EYA1: variants seen among roughly 807,000 people sequenced by gnomAD.
The protein encoded by EYA1 is protein phosphatase EYA1.
Under a neutral mutation model 82.0 loss-of-function variants are expected in EYA1, and 16 were observed. The observed-to-expected ratio is 0.20, with a 90% CI of 0.13 to 0.30. The LOEUF (loss-of-function observed/expected upper bound fraction) is 0.30, where lower values mean the gene tolerates loss of function less well. EYA1 is among the 10% of genes least tolerant of loss of function. EYA1 has a pLI of 1.00. For missense variants in EYA1, 633 were observed against 730.7 expected, an observed-to-expected ratio of 0.87 and a Z score of 1.54; for synonymous variants, 261 against 264.4, an observed-to-expected ratio of 0.99 and a Z score of 0.12.
Position 71,361,855 on chromosome 8 carries a change from GGCT to G in EYA1, c.-266_-264del. ...GGGCAGGCGCCTGGCCGCTGCCGCAGGCTCGGGCTGCCGAGCGACTGAGCGAAA... is the reference window on the plus strand; with the variant it reads ...GGGCAGGCGCCTGGCCGCTGCCGCAGCGGGCTGCCGAGCGACTGAGCGAAA... On this transcript the variant is annotated 5_prime_UTR_variant, in exon 1 of 18. Coordinates refer to ENST00000340726, the MANE Select transcript of EYA1 (RefSeq NM_000503.6). 5 of 985,454 alleles carry G rather than the reference GGCT, an allele frequency of 5.1e-6. No homozygotes were observed. Among genetic ancestry groups the G allele is most frequent in the Non-Finnish European group, 6.0e-6 (5 of 829,932 alleles). The allele number at this position is 985,454 out of a possible 1,614,324, so 61.0% of individuals were successfully genotyped here. A position where few individuals can be genotyped will look rare whatever the true frequency, so the allele number is the denominator to read the frequency against.
In EYA1 at chr8:71,439,292, T is replaced by G. The variant is rs79959321; in HGVS notation, c.34-82781A>C. Among the ~76,000 whole-genome samples the G allele has an allele frequency of 8.6e-3, 1,315 of 152,316 alleles. 18 individuals carry two copies. Among genetic ancestry groups the G allele is most frequent in the African/African-American group, 0.029 (1,224 of 41,576 alleles). ...CCCTGATCCATTGTAATTTGCTGCT[T>G]GACTCATTGAGTTTGTTTGGTTTCC... On this transcript the variant is annotated intron_variant, in intron 2 of 18. Coordinates refer to the EYA1 transcript ENST00000643681.
At chr8:71,383,639 G>T (rs1357922408) in intron 2 of EYA1, among the ~76,000 whole-genome samples, 1 of 152,054 alleles carries the variant, frequency 6.6e-6, no homozygotes, top group East Asian at 1.9e-4. Context: ...AAGTTTTAAA[G>T]CATGCAATAA....
rs1267951986 is a variant in EYA1, at chr8:71,347,898, A to AC, written c.124+6883_124+6884insG. On this transcript the variant is annotated intron_variant, in intron 3 of 17. Transcript: ENST00000340726. ...ACTGGAGGCATGCAAAAAAAAAAAA[A>AC]AAAAAAAAACCCCAAATCTGTAAAA... Among the ~76,000 whole-genome samples, 63 of 151,262 alleles carry AC rather than the reference A, an allele frequency of 4.2e-4. 1 individual carries two copies. The highest frequency in any genetic ancestry group is 6.5e-4 in the Non-Finnish European group (44 of 67,888).
chr8:71,434,671 C>T (rs1338668097), intron 2 of EYA1, among the ~76,000 whole-genome samples: 1 of 152,106 alleles, frequency 6.6e-6, no homozygotes, highest in Non-Finnish European at 1.5e-5. Context: ...CCTAACCACA[C>T]AGGCAAATGT....
intron 2 of EYA1, among the ~76,000 whole-genome samples, chr8:71,453,734 A>G (rs138796192): frequency 0.078 from 11,808 of 152,274 alleles, 584 homozygotes; most frequent in East Asian, 0.21. Flanking sequence ...AGACTTTGTC[A>G]CCACCAGACC....
intron 9 of EYA1, among the ~76,000 whole-genome samples, chr8:71,296,289 A>G (rs942445318): frequency 6.6e-6 from 1 of 152,154 alleles, no homozygotes; most frequent in African/African-American, 2.4e-5. Context: ...ATTCATAAGG[A>G]ATTACGTTTA....
chr8:71,272,580 A>T (rs1009529202), intron 9 of EYA1, among the ~76,000 whole-genome samples: 9 of 152,180 alleles, frequency 5.9e-5, no homozygotes, highest in Non-Finnish European at 2.9e-5. Flanking sequence ...CAGAGAAGCC[A>T]CTAAAATAAT....
chr8:71,244,578 A>C, intron 12 of EYA1, 25 bp downstream of exon 12: 1 of 1,212,718 alleles, frequency 8.2e-7, no homozygotes, highest in East Asian at 2.5e-5. Context: ...ACATGCAAAA[A>C]TATGTATTAA....
intron 11 of EYA1, among the ~76,000 whole-genome samples, chr8:71,266,587 G>T (rs140127947): frequency 6.6e-6 from 1 of 152,164 alleles, no homozygotes; most frequent in Non-Finnish European, 1.5e-5. Context: ...CAGGCTGACC[G>T]CAAGTGTTCA....
At chr8:71,510,341 A>C (rs1812503132) in intron 2 of EYA1, among the ~76,000 whole-genome samples, 1 of 152,112 alleles carries the variant, frequency 6.6e-6, no homozygotes, top group Admixed American at 6.6e-5. Context: ...CTTGAGCATG[A>C]GATGTTGCAG....
chr8:71,266,667 C>G (rs1463798664), intron 11 of EYA1, among the ~76,000 whole-genome samples: 2 of 151,992 alleles, frequency 1.3e-5, no homozygotes, highest in Admixed American at 1.3e-4. Context: ...GCCTCTAACC[C>G]TAATCTGTGC....
intron 2 of EYA1, among the ~76,000 whole-genome samples, chr8:71,374,229 C>T (rs2129092640): frequency 6.6e-6 from 1 of 152,078 alleles, no homozygotes; most frequent in African/African-American, 2.4e-5. Context: ...ATTTACAAAC[C>T]ATATATCTGA....
intron 2 of EYA1, among the ~76,000 whole-genome samples, chr8:71,406,750 G>C (rs1830261468): frequency 6.6e-6 from 1 of 150,892 alleles, no homozygotes; most frequent in Admixed American, 6.6e-5. Flanking sequence ...CTGATTGCTA[G>C]CACAGCAGTC....
chr8:71,262,209 G>C (rs1169902565), intron 11 of EYA1, among the ~76,000 whole-genome samples: 3 of 152,212 alleles, frequency 2.0e-5, no homozygotes, highest in Non-Finnish European at 4.4e-5. Flanking sequence ...AGATAGCAGT[G>C]TAAACCATAA....
chr8:71,537,403 G>C (rs1814786580), intron 1 of EYA1, among the ~76,000 whole-genome samples: 1 of 152,134 alleles, frequency 6.6e-6, no homozygotes, highest in African/African-American at 2.4e-5. Context: ...TGCTTTTAGA[G>C]GATTCCTTGC....
intron 17 of EYA1, among the ~76,000 whole-genome samples, chr8:71,202,569 T>C (rs1807181047): frequency 1.3e-5 from 2 of 152,252 alleles, no homozygotes; most frequent in South Asian, 4.1e-4. Flanking sequence ...TAAAACTTCC[T>C]GTAGTATATT....
intron 1 of EYA1, among the ~76,000 whole-genome samples, chr8:71,545,558 C>CT (rs34093503): frequency 0.083 from 8,372 of 100,376 alleles, 579 homozygotes; most frequent in East Asian, 0.13. Flanking sequence ...TATTTTGTTC[C>CT]TTTTTTTTTT....
chr8:71,480,253 A>T (rs1179765330), intron 2 of EYA1, among the ~76,000 whole-genome samples: 1 of 152,212 alleles, frequency 6.6e-6, no homozygotes, highest in Non-Finnish European at 1.5e-5. Context: ...TAATCAACAG[A>T]AAAGACTTCA....
At chr8:71,248,393 ATC>A (rs1356945433) in intron 11 of EYA1, among the ~76,000 whole-genome samples, 3 of 152,230 alleles carry the variant, frequency 2.0e-5, no homozygotes, top group Admixed American at 6.5e-5. Context: ...GGATCTAAGA[ATC>A]TCTCTTATGT....
Sources: gnomAD v4.1 joint callset for allele counts (sites outside exome capture counted in the v4.1 genomes callset) on GRCh38, gnomAD v4.1.1 for gene constraint, MANE v1.5 for transcripts, NCBI Gene and HGNC (gene_info 2026-07-23, HGNC 2026-07-21) for gene names.